Variants in EPHB1 observed in about 807,000 individuals in gnomAD.
EPHB1 encodes ephrin type-B receptor 1.
A neutral mutation model predicts 94.4 loss-of-function variants in EPHB1; 30 were observed. The observed-to-expected ratio is 0.32, with a 90% confidence interval of 0.24 to 0.43. The LOEUF is 0.43. EPHB1 is among the 20% of genes least tolerant of loss of function. The pLI is 1.00. For synonymous variants in EPHB1, 522 were observed against 489.1 expected (o/e 1.07, Z -0.89); for missense variants, 1,055 against 1,308.3 (o/e 0.81, Z 2.99).
intron 1 of EPHB1, among the ~76,000 whole-genome samples, chr3:134,899,144 C>T (rs149875138): frequency 9.1e-4 from 139 of 152,238 alleles, no homozygotes; most frequent in African/African-American, 3.1e-3. Context: ...GCTTTTCACA[C>T]CATTTGAGGG....
chr3:134,918,104 CTG>C (rs1221240308), intron 1 of EPHB1, among the ~76,000 whole-genome samples: 3 of 152,216 alleles, frequency 2.0e-5, no homozygotes, highest in African/African-American at 7.2e-5. Context: ...AGTCACAGCT[CTG>C]TGCTCTGAAG....
intron 12 of EPHB1, among the ~76,000 whole-genome samples, chr3:135,211,599 T>C (rs1204534516): frequency 3.3e-5 from 5 of 152,248 alleles, no homozygotes; most frequent in Non-Finnish European, 4.4e-5. Flanking sequence ...CTTTCATCAC[T>C]TTAACATTGT....
Position 135,161,412 on chromosome 3 carries a change from C to T in EPHB1, c.1423-606C>T, listed in dbSNP as rs563084011. Among the ~76,000 whole-genome samples the T allele has an allele frequency of 2.0e-4, 31 of 152,212 alleles. No homozygotes were observed. In the South Asian group the frequency reaches 6.5e-3, roughly 32 times the overall value. On this transcript the variant is annotated intron_variant, in intron 6 of 15. Transcript: ENST00000398015. ...GGGGGATGCACTCTCAGACACAGGGCAAGGTGAGGGCAGAAGTAGGTGTGG... is the reference window on the plus strand; with the variant it reads ...GGGGGATGCACTCTCAGACACAGGGTAAGGTGAGGGCAGAAGTAGGTGTGG...
chr3:135,251,071 TGATG>T (rs1933066986), intron 15 of EPHB1, among the ~76,000 whole-genome samples: 1 of 150,784 alleles, frequency 6.6e-6, no homozygotes, highest in Admixed American at 6.6e-5. Flanking sequence ...TTTTCAGAAA[TGATG>T]GAGCCACCAC....
At chr3:134,961,163 A>G (rs1158354281) in intron 3 of EPHB1, among the ~76,000 whole-genome samples, 1 of 152,132 alleles carries the variant, frequency 6.6e-6, no homozygotes, top group East Asian at 1.9e-4. Flanking sequence ...GAGATTCAGC[A>G]TTTTTCTTCC....
At chr3:134,907,518 A>G (rs1424929447) in intron 1 of EPHB1, among the ~76,000 whole-genome samples, 1 of 152,170 alleles carries the variant, frequency 6.6e-6, no homozygotes, top group African/African-American at 2.4e-5. Flanking sequence ...CTGAGATGCA[A>G]ATTTGACCCA....
intron 13 of EPHB1, among the ~76,000 whole-genome samples, chr3:135,242,205 G>C (rs538523016): frequency 3.3e-5 from 5 of 152,292 alleles, no homozygotes; most frequent in African/African-American, 1.2e-4. Context: ...TTGGAGCTGA[G>C]AGGATTACAA....
At chr3:135,148,153 T>C (rs1357005262) in intron 5 of EPHB1, among the ~76,000 whole-genome samples, 2 of 152,212 alleles carry the variant, frequency 1.3e-5, no homozygotes, top group Non-Finnish European at 1.5e-5. Context: ...TAAAACTTAG[T>C]AATTGTCCTA....
intron 3 of EPHB1, among the ~76,000 whole-genome samples, chr3:135,084,261 G>T (rs1242619765): frequency 6.6e-6 from 1 of 152,124 alleles, no homozygotes; most frequent in Admixed American, 6.5e-5. Flanking sequence ...TCTCCAGGAG[G>T]CCCAAATCCT....
At chr3:135,217,404 A>G (rs1256860751) in intron 12 of EPHB1, among the ~76,000 whole-genome samples, 2 of 150,880 alleles carry the variant, frequency 1.3e-5, no homozygotes, top group African/African-American at 4.9e-5. Context: ...AAAGCCTGCA[A>G]TGAATAACTC....
At chr3:134,884,379 T>G (rs1203883165) in intron 1 of EPHB1, among the ~76,000 whole-genome samples, 1 of 152,268 alleles carries the variant, frequency 6.6e-6, no homozygotes, top group Admixed American at 6.5e-5. Flanking sequence ...GAAGCCTTTT[T>G]GTATGCATAT....
At chr3:134,813,875 G>A (rs1269890995) in intron 1 of EPHB1, among the ~76,000 whole-genome samples, 2 of 152,208 alleles carry the variant, frequency 1.3e-5, no homozygotes, top group Non-Finnish European at 1.5e-5. Flanking sequence ...GGGCCCATCA[G>A]CTGGGCCCTG....
At chr3:135,165,929 G>A in intron 7 of EPHB1, 39 bp from the exon 8 acceptor site, 1 of 1,494,884 alleles carries the variant, frequency 6.7e-7, no homozygotes. Flanking sequence ...GTATGCAAAA[G>A]GCACATGGGG....
At chr3:134,850,262 G>T (rs765192587) in intron 1 of EPHB1, among the ~76,000 whole-genome samples, 1 of 152,202 alleles carries the variant, frequency 6.6e-6, no homozygotes, top group Non-Finnish European at 1.5e-5. Flanking sequence ...TAAAACAGCA[G>T]CTTTAAAGCT....
chr3:135,021,693 G>A (rs1935992633), intron 3 of EPHB1, among the ~76,000 whole-genome samples: 1 of 152,070 alleles, frequency 6.6e-6, no homozygotes. Flanking sequence ...TCTTTGAAAA[G>A]TGTAAAGCAT....
chr3:135,071,128 A>G (rs146712638), intron 3 of EPHB1, among the ~76,000 whole-genome samples: 1 of 152,228 alleles, frequency 6.6e-6, no homozygotes, highest in East Asian at 1.9e-4. Flanking sequence ...TGCTGATCTG[A>G]TTTCACTCTG....
intron 3 of EPHB1, among the ~76,000 whole-genome samples, chr3:135,096,266 G>A (rs1167797604): frequency 1.3e-5 from 2 of 152,280 alleles, no homozygotes; most frequent in East Asian, 3.9e-4. Flanking sequence ...TACAAATGGG[G>A]GGCTGAGGGT....
chr3:135,073,482 A>G (rs1937795793), intron 3 of EPHB1, among the ~76,000 whole-genome samples: 1 of 152,246 alleles, frequency 6.6e-6, no homozygotes. Context: ...CTTATGTTGA[A>G]GCAAATTCAA....
At chr3:134,905,534 G>A (rs1452410683) in intron 1 of EPHB1, among the ~76,000 whole-genome samples, 4 of 152,256 alleles carry the variant, frequency 2.6e-5, no homozygotes, top group Non-Finnish European at 5.9e-5. Context: ...CAGCACATCT[G>A]TAGGGACCAC....
Sources: allele counts gnomAD v4.1 joint callset (sites outside exome capture counted in the v4.1 genomes callset), GRCh38; gene constraint gnomAD v4.1.1; transcripts MANE v1.5; gene names NCBI Gene and HGNC (gene_info 2026-07-23, HGNC 2026-07-21).